Variants in MEIS3 observed in about 807,000 individuals in gnomAD.
MEIS3 encodes Meis homeobox 3, also known as homeobox protein Meis3.
A neutral mutation model predicts 51.4 loss-of-function variants in MEIS3; 38 were observed. The ratio of observed to expected loss-of-function variants is 0.74; its 90% CI spans 0.57 to 0.97. The LOEUF is 0.97. Ranked by LOEUF, MEIS3 falls within the 50% of genes least tolerant of loss-of-function variation. The pLI is 0.00. For synonymous variants in MEIS3, 198 were observed against 201.8 expected, an observed-to-expected ratio of 0.98 and a Z score of 0.16; for missense variants, 456 against 502.6, an observed-to-expected ratio of 0.91 and a Z score of 0.89.
At position 47,406,148 on chromosome 19, in the gene MEIS3, A is replaced by G. The variant is rs1192602867; in HGVS notation, c.*17+312T>C. 20 of 266,060 alleles carry G rather than the reference A, an allele frequency of 7.5e-5. No homozygotes were observed. In the East Asian group the frequency reaches 1.5e-3, roughly 19 times the overall value. The allele number at this position is 266,060 out of a possible 1,614,324, so 16.5% of individuals were successfully genotyped here. A position where few individuals can be genotyped will look rare whatever the true frequency, so the allele number is the denominator to read the frequency against. On this transcript the variant is annotated intron_variant, in intron 12 of 12. Coordinates refer to ENST00000558555, the MANE Select transcript of MEIS3 (RefSeq NM_001301059.2). ...TGAATGTGTGGTCAGATGGGTAATGAGTGGGTAGGTGGGTGGACTAGGTTT... is the reference window on the plus strand; with the variant it reads ...TGAATGTGTGGTCAGATGGGTAATGGGTGGGTAGGTGGGTGGACTAGGTTT...
chr19:47,406,150 T>C lies in MEIS3; in HGVS notation c.*17+310A>G, dbSNP rs1048890840. ...AATGTGTGGTCAGATGGGTAATGAG[T>C]GGGTAGGTGGGTGGACTAGGTTTGG... On this transcript the variant is annotated intron_variant, in intron 12 of 12. Coordinates refer to ENST00000558555, the MANE Select transcript of MEIS3 (RefSeq NM_001301059.2). 4 of 262,190 alleles carry C rather than the reference T, an allele frequency of 1.5e-5. No individual in the cohort carries two copies. In the Admixed American group the frequency reaches 1.6e-4, roughly 10 times the overall value. 16.2% of individuals were successfully genotyped at this position (262,190 alleles called of 1,614,324 possible). A position where few individuals can be genotyped will look rare whatever the true frequency, so the allele number is the denominator to read the frequency against.
chr19:47,414,106 C>A (rs969790638), intron 6 of MEIS3, among the ~76,000 whole-genome samples: 2 of 152,020 alleles, frequency 1.3e-5, no homozygotes, highest in Admixed American at 1.3e-4. Flanking sequence ...GAGTCTGGGG[C>A]CATGTGGCTG....
intron 12 of MEIS3, among the ~76,000 whole-genome samples, chr19:47,405,677 G>A (rs561936531): frequency 1.9e-4 from 29 of 151,574 alleles, no homozygotes; most frequent in Middle Eastern, 3.4e-3. Flanking sequence ...AGCCTCCAGA[G>A]TAGCTGGGAC....
intron 12 of MEIS3, among the ~76,000 whole-genome samples, chr19:47,403,852 G>A (rs543629106): frequency 6.6e-6 from 1 of 152,162 alleles, no homozygotes; most frequent in East Asian, 1.9e-4. Flanking sequence ...CAGAGAGAAC[G>A]ACATGGGAAG....
intron 6 of MEIS3, among the ~76,000 whole-genome samples, chr19:47,412,068 A>G (rs767558197): frequency 6.6e-6 from 1 of 152,098 alleles, no homozygotes; most frequent in Non-Finnish European, 1.5e-5. Flanking sequence ...TCCTGGGCTC[A>G]AGCAATCCTC....
chr19:47,418,289 G>A (rs930131540), intron 1 of MEIS3: 1 of 151,934 alleles, frequency 6.6e-6, no homozygotes, highest in Non-Finnish European at 1.5e-5. Context: ...TTCCTGCCTC[G>A]GACCCTCGCC....
intron 4 of MEIS3, chr19:47,415,937 C>G (rs1971390633): frequency 6.6e-6 from 1 of 151,910 alleles, no homozygotes; most frequent in South Asian, 2.1e-4. Context: ...TGCCCTGTTG[C>G]CTGGGCTGGT....
chr19:47,409,374 C>A, intron 7 of MEIS3, 62 bp downstream of exon 7: 1 of 1,571,606 alleles, frequency 6.4e-7, no homozygotes, highest in Admixed American at 1.7e-5. Context: ...GTCTTACTTG[C>A]GATCTAACTT....
chr19:47,409,242 C>G lies in MEIS3; in HGVS notation c.715G>C (p.Gly239Arg), dbSNP rs748298649. 1.2e-6 allele frequency: 2 copies of G among 1,610,260 alleles called. No homozygotes were observed. Among genetic ancestry groups the G allele is most frequent in the Non-Finnish European group, 1.7e-6 (2 of 1,178,758 alleles). Residue 239 changes from glycine to arginine, a missense_variant, in exon 8 of 13, where the codon GGG becomes CGG. Physicochemically the swap from Gly to Arg is moderately radical, Grantham distance 125. Transcript: ENST00000558555. ...SGDNSSDQGDGLDTSVASPSS... is the reference protein window; with the variant it reads ...SGDNSSDQGDRLDTSVASPSS... ...GGAGAGGCCACGCTGGTGTCCAGCC[C>G]GTCTCCTGAGGGAAGGCAGGCATGC...
At chr19:47,406,003 AGCCTGGGTAGGGAGGTGGGTGAAT>A (rs1240543865) in intron 12 of MEIS3, 2 of 153,616 alleles carry the variant, frequency 1.3e-5, no homozygotes, top group African/African-American at 4.9e-5. Context: ...GGTGGGTGGA[AGCCTGGGTAGGGAGGTGGGTGAAT>A]GCACAGATAA....
chr19:47,407,378 C>T lies in MEIS3; in HGVS notation c.909G>A (p.Gly303=), dbSNP rs1257682485. The part of the protein sequence containing the change: ...EQKKQLAQDT[G]LTILQVNNWF... ...AGTTGTTGACTTGCAGGATGGTGAGCCCCGTGTCCTGCGCCAGCTGTTTCT... is the reference window on the plus strand; with the variant it reads ...AGTTGTTGACTTGCAGGATGGTGAGTCCCGTGTCCTGCGCCAGCTGTTTCT... Residue 303 remains glycine (G), a synonymous_variant, in exon 9 of 13, where the codon GGG becomes GGA. Coordinates refer to ENST00000558555, the MANE Select transcript of MEIS3 (RefSeq NM_001301059.2). 2 of 1,613,526 alleles carry T rather than the reference C, an allele frequency of 1.2e-6. No individual in the cohort carries two copies. Among genetic ancestry groups the T allele is most frequent in the Non-Finnish European group, 1.7e-6 (2 of 1,179,838 alleles).
At chr19:47,404,683 G>C (rs1205114105) in intron 12 of MEIS3, among the ~76,000 whole-genome samples, 1 of 152,044 alleles carries the variant, frequency 6.6e-6, no homozygotes, top group Non-Finnish European at 1.5e-5. Flanking sequence ...GAATCCTCTA[G>C]TCTGGGTCAG....
chr19:47,416,869 G>T lies in MEIS3; in HGVS notation c.280C>A (p.Pro94Thr), dbSNP rs753681519. 4 of 1,614,036 alleles carry T rather than the reference G, an allele frequency of 2.5e-6. No homozygotes were observed. The highest frequency in any genetic ancestry group is 1.1e-5 in the South Asian group (1 of 91,078). ...GAGGAGCAGACGTCACCTCCAGGGG[G>T]TGTCCCCAGCCCAGCTCCGGCCCCG... ...RDGAGAGLGT[P>T]PGGDVCSSDS... Residue 94 changes from proline to threonine, a missense_variant, in exon 3 of 13, where the codon CCC (proline) becomes ACC (threonine). By Grantham distance (38) the Pro-to-Thr change is conservative (BLOSUM62 -1). Transcript: ENST00000558555.
upstream of MEIS3, among the ~76,000 whole-genome samples, chr19:47,421,284 G>A (rs1229992069): frequency 1.3e-5 from 2 of 151,780 alleles, no homozygotes; most frequent in Non-Finnish European, 2.9e-5. Flanking sequence ...GAGTAGATCT[G>A]GGGGACCTCA....
chr19:47,420,063 G>A (rs1971649591), upstream of MEIS3, among the ~76,000 whole-genome samples: 1 of 152,204 alleles, frequency 6.6e-6, no homozygotes, highest in South Asian at 2.1e-4. Flanking sequence ...TGAGTCTGGG[G>A]GTCCCCATGC....
At chr19:47,421,291 C>A (rs1399241655), upstream of MEIS3, among the ~76,000 whole-genome samples, 1 of 152,088 alleles carries the variant, frequency 6.6e-6, no homozygotes, top group East Asian at 1.9e-4. Context: ...TCTGGGGGAC[C>A]TCATGGGTCT....
chr19:47,411,835 C>T (rs1227673329), intron 6 of MEIS3, among the ~76,000 whole-genome samples: 1 of 151,454 alleles, frequency 6.6e-6, no homozygotes, highest in Non-Finnish European at 1.5e-5. Context: ...CCACCGTGCC[C>T]GGCCTTATCT....
At chr19:47,420,940 A>ACACACACACACACTCT (rs1187725467), upstream of MEIS3, among the ~76,000 whole-genome samples, 6 of 90,998 alleles carry the variant, frequency 6.6e-5, no homozygotes, top group Admixed American at 1.1e-4. Flanking sequence ...ACACACACAC[A>ACACACACACACACTCT]CTCTCTCTCT....
rs762088146 is a variant in MEIS3 at position 47,406,885 on chromosome 19, T to C, written c.1078+3A>G. On this transcript the variant is annotated splice_donor_region_variant and intron_variant, in intron 11 of 12. Coordinates refer to ENST00000558555, the MANE Select transcript of MEIS3 (RefSeq NM_001301059.2). ...GGGGCCTAGCTAAGGGGGCGAGGCT[T>C]ACCCGGAGGCCGGACGGCCACGTGT... is the stretch of plus-strand genomic sequence containing the variant. 6.4e-7 allele frequency: 1 copy of C among 1,567,738 alleles called. No individual in the cohort carries two copies. Among genetic ancestry groups the C allele is most frequent in the South Asian group, 1.2e-5 (1 of 85,496 alleles).
Sources: gnomAD v4.1 joint callset for allele counts (sites outside exome capture counted in the v4.1 genomes callset) on GRCh38, gnomAD v4.1.1 for gene constraint, MANE v1.5 for transcripts, NCBI Gene and HGNC (gene_info 2026-07-23, HGNC 2026-07-21) for gene names.